The following SH2D4B variants were observed in gnomAD, a reference collection of about 807,000 sequenced individuals.
SH2D4B encodes SH2 domain containing 4B, also known as SH2 domain-containing protein 4B.
SH2D4B carries 45 observed loss-of-function variants against 61.5 expected under a neutral mutation model. The ratio of observed to expected loss-of-function variants is 0.73; its 90% CI spans 0.58 to 0.94. The LOEUF is 0.94. Among genes scored for constraint, SH2D4B ranks in the 40% least tolerant of loss-of-function variants. The pLI, the probability that SH2D4B is intolerant of heterozygous loss-of-function variation, is 0.00. For missense variants in SH2D4B, 572 were observed against 574.2 expected (o/e 1.00, Z 0.04); for synonymous variants, 224 against 220.4 (o/e 1.02, Z -0.14).
chr10:80,572,957 TATATATATATATATATATATATA>T (rs1564771846), intron 3 of SH2D4B, among the ~76,000 whole-genome samples: 14 of 6,232 alleles, frequency 2.2e-3, no homozygotes, highest in Non-Finnish European at 3.2e-3. Context: ...TATATATATA[TATATATATATATATATATATATA>T]TATATATTTT....
chr10:80,581,969 TG>T (rs1197165351), intron 3 of SH2D4B, among the ~76,000 whole-genome samples: 2 of 152,222 alleles, frequency 1.3e-5, no homozygotes, highest in African/African-American at 4.8e-5. Flanking sequence ...ACAAGATTTT[TG>T]TTCCTTCTGA....
At chr10:80,581,118 G>A (rs1842180477) in intron 3 of SH2D4B, among the ~76,000 whole-genome samples, 1 of 152,176 alleles carries the variant, frequency 6.6e-6, no homozygotes, top group Non-Finnish European at 1.5e-5. Flanking sequence ...CACAGTAAAT[G>A]GCCAGTCATT....
chr10:80,603,364 G>C (rs986435270), intron 4 of SH2D4B, among the ~76,000 whole-genome samples: 1 of 152,156 alleles, frequency 6.6e-6, no homozygotes, highest in Non-Finnish European at 1.5e-5. Context: ...GCTAGGGCTG[G>C]GCGGGGCCTG....
intron 6 of SH2D4B, among the ~76,000 whole-genome samples, chr10:80,633,924 A>G (rs1842862958): frequency 6.6e-6 from 1 of 152,230 alleles, no homozygotes; most frequent in South Asian, 2.1e-4. Flanking sequence ...GCTTTTCACA[A>G]GCCTGTTGAC....
At chr10:80,589,810 T>C (rs1022872579) in intron 4 of SH2D4B, among the ~76,000 whole-genome samples, 2 of 152,102 alleles carry the variant, frequency 1.3e-5, no homozygotes, top group African/African-American at 2.4e-5. Context: ...AGGTAGAGGC[T>C]CCAGCATGGG....
In SH2D4B at chr10:80,646,203, C is replaced by T. The variant is rs1226285641; in HGVS notation, c.*2118C>T. On this transcript the variant is annotated 3_prime_UTR_variant, in exon 8 of 8. Coordinates refer to ENST00000646907, the MANE Select transcript of SH2D4B (RefSeq NM_001388272.1). Reference sequence around the variant, plus strand: ...ACTTAGTGCTTAGCCCATGATGTATCAGGGGATATGATGTGATGATTTTCA... The same window carrying T: ...ACTTAGTGCTTAGCCCATGATGTATTAGGGGATATGATGTGATGATTTTCA... 1 of 152,580 alleles carries T rather than the reference C, an allele frequency of 6.6e-6. No homozygotes were observed. Among genetic ancestry groups the T allele is most frequent in the Non-Finnish European group, 1.5e-5 (1 of 68,032 alleles). The allele number at this position is 152,580 out of a possible 1,614,324, so 9.5% of individuals were successfully genotyped here. A position where few individuals can be genotyped will look rare whatever the true frequency, so the allele number is the denominator to read the frequency against.
chr10:80,627,073 T>C (rs1174165252), intron 6 of SH2D4B, among the ~76,000 whole-genome samples: 1 of 152,114 alleles, frequency 6.6e-6, no homozygotes, highest in Non-Finnish European at 1.5e-5. Flanking sequence ...GACATAAGCG[T>C]CTCACAGGAG....
intron 5 of SH2D4B, among the ~76,000 whole-genome samples, chr10:80,608,310 G>A (rs972992684): frequency 2.6e-5 from 4 of 152,022 alleles, no homozygotes; most frequent in African/African-American, 9.7e-5. Flanking sequence ...GAGGAGGAGG[G>A]GCACGGGAAG....
chr10:80,588,646 A>G lies in SH2D4B; in HGVS notation c.512A>G (p.Glu171Gly), dbSNP rs1410195983. 1.2e-6 allele frequency: 2 copies of G among 1,613,958 alleles called. No individual in the cohort carries two copies. The highest frequency in any genetic ancestry group is 1.7e-6 in the Non-Finnish European group (2 of 1,180,026). The stretch of plus-strand genomic sequence containing the variant: ...ACATTTTAGAGGAAAGAGGAAGAGG[A>G]GAGGAAGCGAGGAGAAGAGCAGATT... Reference protein sequence around the residue: ...HEEFKRKEEEERKRGEEQIRL... With the variant: ...HEEFKRKEEEGRKRGEEQIRL... Residue 171 changes from glutamate (E) to glycine (G), a missense_variant, in exon 4 of 8, where the codon GAG becomes GGG. Physicochemically the swap from Glu to Gly is moderately conservative, Grantham distance 98. Coordinates refer to ENST00000646907, the MANE Select transcript of SH2D4B (RefSeq NM_001388272.1).
At chr10:80,577,691 G>C (rs1045950117) in intron 3 of SH2D4B, among the ~76,000 whole-genome samples, 1 of 151,810 alleles carries the variant, frequency 6.6e-6, no homozygotes, top group African/African-American at 2.4e-5. Flanking sequence ...CTCCCAAAGC[G>C]CCGGGATTAC....
chr10:80,584,514 G>A (rs6586086), intron 3 of SH2D4B, among the ~76,000 whole-genome samples: 40,849 of 152,000 alleles, frequency 0.27, 6,422 homozygotes, highest in African/African-American at 0.43. Context: ...TTCCATACCT[G>A]TCATATTTTA....
At chr10:80,630,882 G>A (rs1352820883) in intron 6 of SH2D4B, among the ~76,000 whole-genome samples, 1 of 152,216 alleles carries the variant, frequency 6.6e-6, no homozygotes, top group Non-Finnish European at 1.5e-5. Flanking sequence ...GCGGGGCATA[G>A]AGCCTGCTGT....
chr10:80,643,578 G>T (rs1231558120), intron 7 of SH2D4B, among the ~76,000 whole-genome samples: 3 of 152,010 alleles, frequency 2.0e-5, no homozygotes, highest in Admixed American at 2.0e-4. Flanking sequence ...TTGGGCGTGG[G>T]ACTGTCTGAA....
chr10:80,584,948 T>C (rs1209567436), intron 3 of SH2D4B, among the ~76,000 whole-genome samples: 1 of 152,204 alleles, frequency 6.6e-6, no homozygotes, highest in African/African-American at 2.4e-5. Flanking sequence ...TAGTTGAAAA[T>C]GGTGGCCTCC....
chr10:80,553,396 T>C (rs1419551349), intron 1 of SH2D4B, among the ~76,000 whole-genome samples: 1 of 152,230 alleles, frequency 6.6e-6, no homozygotes, highest in East Asian at 1.9e-4. Flanking sequence ...CCAGAGATTT[T>C]AAGGAACAGG....
At chr10:80,636,293 CATCCTTTGGGTATATACTCAGTA>C (rs1840167002) in intron 7 of SH2D4B, among the ~76,000 whole-genome samples, 2 of 152,138 alleles carry the variant, frequency 1.3e-5, no homozygotes, top group African/African-American at 4.8e-5. Flanking sequence ...CATGATTTAT[CATCCTTTGGGTATATACTCAGTA>C]ATGGGATCGC....
At chr10:80,615,503 G>A (rs1242390964) in intron 6 of SH2D4B, among the ~76,000 whole-genome samples, 1 of 152,192 alleles carries the variant, frequency 6.6e-6, no homozygotes, top group Admixed American at 6.5e-5. Flanking sequence ...GCTCGGCCTG[G>A]GTTCTTTATT....
In SH2D4B at chr10:80,538,493, C is replaced by A; in HGVS notation, c.162C>A (p.Leu54=). Residue 54 remains leucine (L), a synonymous_variant, in exon 1 of 8, where the codon CTC becomes CTA. Coordinates refer to ENST00000646907, the MANE Select transcript of SH2D4B (RefSeq NM_001388272.1). The surrounding 1 kb of genome is among the most constrained non-coding windows in gnomAD (Gnocchi z 4.8). ...TWEALAQDEG[L]RPPKTKRAAS... ...AGGCCCTGGCCCAGGACGAGGGTCTCAGGCCTCCAAAGACCAAGCGAGGTA... is the reference window on the plus strand; with the variant it reads ...AGGCCCTGGCCCAGGACGAGGGTCTAAGGCCTCCAAAGACCAAGCGAGGTA... 7.0e-7 allele frequency: 1 copy of A among 1,428,548 alleles called. No individual in the cohort carries two copies. Among genetic ancestry groups the A allele is most frequent in the East Asian group, 2.6e-5 (1 of 38,438 alleles). 88.5% of individuals were successfully genotyped at this position (1,428,548 alleles called of 1,614,324 possible).
At chr10:80,596,406 A>G (rs1251675568) in intron 4 of SH2D4B, among the ~76,000 whole-genome samples, 1 of 152,248 alleles carries the variant, frequency 6.6e-6, no homozygotes, top group Non-Finnish European at 1.5e-5. Flanking sequence ...ATAGCAGAGC[A>G]TTGGCATTTC....
Sources: gnomAD v4.1 joint callset for allele counts (sites outside exome capture counted in the v4.1 genomes callset) on GRCh38, gnomAD v4.1.1 for gene constraint, Gnocchi (gnomAD v3.1) non-coding constraint, MANE v1.5 for transcripts, NCBI Gene and HGNC (gene_info 2026-07-23, HGNC 2026-07-21) for gene names.